The following GCM1 variants were observed in gnomAD, a reference collection of about 807,000 sequenced individuals.
GCM1 encodes the protein GCM transcription factor 1, also known as chorion-specific transcription factor GCMa.
A neutral mutation model predicts 25.7 loss-of-function variants in GCM1; 2 were observed. The ratio of observed to expected loss-of-function variants is 0.08; its 90% CI spans 0.03 to 0.24. The LOEUF (loss-of-function observed/expected upper bound fraction) is 0.24. Among genes scored for constraint, GCM1 ranks in the 10% least tolerant of loss-of-function variants. The pLI is 1.00. For synonymous variants in GCM1, 183 were observed against 195.7 expected (o/e 0.94, Z 0.54); for missense variants, 395 against 538.7 (o/e 0.73, Z 2.64).
intron 1 of GCM1, among the ~76,000 whole-genome samples, chr6:53,147,089 G>T (rs77762210): frequency 0.014 from 2,153 of 152,178 alleles, 23 homozygotes; most frequent in East Asian, 0.071. Flanking sequence ...ATAAATAAAA[G>T]TTTGTTCAAA....
Position 53,127,690 on chromosome 6 carries a change from C to T in GCM1, c.*516G>A, listed in dbSNP as rs1255819966. On this transcript the variant is annotated 3_prime_UTR_variant, in exon 6 of 6. Coordinates refer to ENST00000259803, the MANE Select transcript of GCM1 (RefSeq NM_003643.4). Reference sequence around the variant, plus strand: ...CCATTCCTTACTGAGGGTGGAAATACTAGAGTGGAGGAGAAGAAGCCAAAA... The same window carrying T: ...CCATTCCTTACTGAGGGTGGAAATATTAGAGTGGAGGAGAAGAAGCCAAAA... The T allele has an allele frequency of 6.6e-6, 1 of 152,430 alleles. No individual in the cohort carries two copies. The highest frequency in any genetic ancestry group is 2.1e-4 in the South Asian group (1 of 4,824). 9.4% of individuals were successfully genotyped at this position (152,430 alleles called of 1,614,324 possible).
At chr6:53,135,285 T>C (rs1236495887) in intron 2 of GCM1, among the ~76,000 whole-genome samples, 1 of 152,134 alleles carries the variant, frequency 6.6e-6, no homozygotes, top group African/African-American at 2.4e-5. Flanking sequence ...AATTTTAAGT[T>C]GTGTTTTTGA....
At chr6:53,138,059 A>G (rs1308915328) in intron 2 of GCM1, among the ~76,000 whole-genome samples, 6 of 152,118 alleles carry the variant, frequency 3.9e-5, no homozygotes, top group African/African-American at 1.4e-4. Flanking sequence ...AGGTGGGTGG[A>G]TCACTTGAAG....
chr6:53,128,989 A>C, intron 5 of GCM1, 43 bp from the exon 6 acceptor site: 1 of 1,550,468 alleles, frequency 6.4e-7, no homozygotes, highest in Non-Finnish European at 8.8e-7. Context: ...AGTTAAGCAA[A>C]TCAAAACCAC....
At chr6:53,137,170 T>G (rs1763813847) in intron 2 of GCM1, among the ~76,000 whole-genome samples, 1 of 152,196 alleles carries the variant, frequency 6.6e-6, no homozygotes, top group African/African-American at 2.4e-5. Context: ...AAGTTCCCTG[T>G]GGTCCATCAG....
At chr6:53,140,190 G>A (rs1220287485) in intron 2 of GCM1, among the ~76,000 whole-genome samples, 1 of 152,134 alleles carries the variant, frequency 6.6e-6, no homozygotes, top group African/African-American at 2.4e-5. Context: ...GTCTGGCAAA[G>A]GGGGCAAAGT....
intron 4 of GCM1, among the ~76,000 whole-genome samples, chr6:53,131,267 A>AC (rs1166603355): frequency 1.3e-5 from 2 of 151,910 alleles, no homozygotes; most frequent in Non-Finnish European, 1.5e-5. Flanking sequence ...CATTATTATC[A>AC]CCCCCAGTTT....
chr6:53,135,160 T>C (rs530995649), intron 2 of GCM1, among the ~76,000 whole-genome samples: 1 of 152,226 alleles, frequency 6.6e-6, no homozygotes, highest in Non-Finnish European at 1.5e-5. Flanking sequence ...AGAGTTGTCA[T>C]TCAACGGACA....
chr6:53,136,462 G>A (rs936360731), intron 2 of GCM1, among the ~76,000 whole-genome samples: 3 of 152,130 alleles, frequency 2.0e-5, no homozygotes, highest in Non-Finnish European at 4.4e-5. Flanking sequence ...TACCCCACAG[G>A]GAGGTTTTGA....
intron 1 of GCM1, among the ~76,000 whole-genome samples, chr6:53,146,906 C>T (rs1411204550): frequency 2.6e-5 from 4 of 152,068 alleles, no homozygotes; most frequent in African/African-American, 9.7e-5. Flanking sequence ...TGGTGGTGCA[C>T]ACCTGTAGTC....
Position 53,139,632 on chromosome 6 carries a change from C to T in GCM1, c.76-5308G>A, listed in dbSNP as rs1392171560. 2.0e-5 allele frequency among the ~76,000 whole-genome samples: 3 copies of T among 152,000 alleles called. No individual in the cohort carries two copies. The East Asian group carries it at 5.8e-4, about 29-fold the overall frequency. ...CCTGTAATCCCGGCACTTTGGGAAGCTGAGGTGGGCAGATCACGAGGTCAG... is the reference window on the plus strand; with the variant it reads ...CCTGTAATCCCGGCACTTTGGGAAGTTGAGGTGGGCAGATCACGAGGTCAG... On this transcript the variant is annotated intron_variant, in intron 2 of 5. Coordinates refer to ENST00000259803, the MANE Select transcript of GCM1 (RefSeq NM_003643.4).
Position 53,145,413 on chromosome 6 carries a change from C to T in GCM1, c.75+145G>A. On this transcript the variant is annotated intron_variant, in intron 2 of 5. Transcript: ENST00000259803. ...GTCTTGCCATCTCTTCTTAAAATCC[C>T]TCAGTCGGCTGTCTAGCTGAAACTC... The T allele has an allele frequency of 9.1e-6, 6 of 661,518 alleles. No individual in the cohort carries two copies. In the East Asian group the frequency reaches 1.4e-4, roughly 16 times the overall value. 41.0% of individuals were successfully genotyped at this position (661,518 alleles called of 1,614,324 possible). A position where few individuals can be genotyped will look rare whatever the true frequency, so the allele number is the denominator to read the frequency against.
At chr6:53,144,107 A>G (rs1377340334) in intron 2 of GCM1, among the ~76,000 whole-genome samples, 2 of 152,200 alleles carry the variant, frequency 1.3e-5, no homozygotes, top group African/African-American at 4.8e-5. Flanking sequence ...AAAGGAAGTC[A>G]AAGAAGTAAA....
Position 53,127,856 on chromosome 6 carries a change from CTG to C in GCM1, c.*348_*349del, listed in dbSNP as rs1763662276. The C allele has an allele frequency of 5.7e-6, 1 of 174,008 alleles. No homozygotes were observed. Among genetic ancestry groups the C allele is most frequent in the Non-Finnish European group, 1.2e-5 (1 of 83,558 alleles). The allele number at this position is 174,008 out of a possible 1,614,324, so 10.8% of individuals were successfully genotyped here. On this transcript the variant is annotated 3_prime_UTR_variant, in exon 6 of 6. Transcript: ENST00000259803. ...GCAGCCTGACCAACATGGCAAAACCCTGTCTCTACTAAAAATAGAAAAATTAG... is the reference window on the plus strand; with the variant it reads ...GCAGCCTGACCAACATGGCAAAACCCTCTCTACTAAAAATAGAAAAATTAG...
At position 53,134,056 on chromosome 6, in the gene GCM1, A is replaced by G; in HGVS notation, c.328+16T>C. 4 of 1,609,374 alleles carry G rather than the reference A, an allele frequency of 2.5e-6. No individual in the cohort carries two copies. The highest frequency in any genetic ancestry group is 3.4e-6 in the Non-Finnish European group (4 of 1,176,290). On this transcript the variant is annotated intron_variant, in intron 3 of 5. Coordinates refer to ENST00000259803, the MANE Select transcript of GCM1 (RefSeq NM_003643.4). ...GGATGCCAGCTTTTTTGCTGGTGCC[A>G]CTAAGCTCTACTCACGCTGCTGCTT...
intron 3 of GCM1, among the ~76,000 whole-genome samples, chr6:53,133,289 C>T (rs1044199903): frequency 6.6e-6 from 1 of 151,616 alleles, no homozygotes; most frequent in South Asian, 2.1e-4. Context: ...CTCAGCCTCC[C>T]GAGTAGCTGG....
chr6:53,132,129 A>G lies in GCM1; in HGVS notation c.329-10T>C. ...TTGGGACAGCGTTTCCCTACAAAAG[A>G]GCAGAGGAAAATGACCACACCTGGC... is the stretch of plus-strand genomic sequence containing the variant. On this transcript the variant is annotated splice_polypyrimidine_tract_variant and intron_variant, in intron 3 of 5. Coordinates refer to ENST00000259803, the MANE Select transcript of GCM1 (RefSeq NM_003643.4). 6.4e-7 allele frequency: 1 copy of G among 1,560,642 alleles called. No homozygotes were observed. Among genetic ancestry groups the G allele is most frequent in the Non-Finnish European group, 8.8e-7 (1 of 1,131,298 alleles).
intron 4 of GCM1, among the ~76,000 whole-genome samples, chr6:53,131,698 TC>T (rs1436994682): frequency 6.6e-6 from 1 of 152,136 alleles, no homozygotes; most frequent in Non-Finnish European, 1.5e-5. Flanking sequence ...GAGCTGGTGT[TC>T]AAACTCAGAT....
At position 53,128,438 on chromosome 6, in the gene GCM1, G is replaced by A. The variant is rs200433538; in HGVS notation, c.1079C>T (p.Ala360Val). 4.7e-5 allele frequency: 76 copies of A among 1,613,900 alleles called. No individual in the cohort carries two copies. The highest frequency in any genetic ancestry group is 2.7e-4 in the African/African-American group (20 of 75,026). ...TGCPPLWPNP[A>V]GNLYEEKVHV... The stretch of plus-strand genomic sequence containing the variant: ...TACTTTCTCTTCATAAAGATTACCC[G>A]CTGGATTTGGCCATAATGGGGGACA... Residue 360 changes from alanine (A) to valine (V), a missense_variant, in exon 6 of 6, where the codon GCG becomes GTG. Ala to Val is a moderately conservative substitution (Grantham distance 64). This residue lies in a region of GCM1 where 291 missense variants were observed against 314.6 expected (regional missense o/e 0.92). Coordinates refer to ENST00000259803, the MANE Select transcript of GCM1 (RefSeq NM_003643.4).
Sources: gnomAD v4.1 joint callset for allele counts (sites outside exome capture counted in the v4.1 genomes callset) on GRCh38, gnomAD v4.1.1 for gene constraint, gnomAD v4.1.1 regional missense constraint, MANE v1.5 for transcripts, NCBI Gene and HGNC (gene_info 2026-07-23, HGNC 2026-07-21) for gene names.